ARHGAP29: variants seen among roughly 807,000 people sequenced by gnomAD.
ARHGAP29 encodes Rho GTPase activating protein 29.
A neutral mutation model predicts 122.6 loss-of-function variants in ARHGAP29; 43 were observed. The ratio of observed to expected loss-of-function variants is 0.35; its 90% CI spans 0.27 to 0.45. The LOEUF is 0.45. Among genes scored for constraint, ARHGAP29 ranks in the 20% least tolerant of loss-of-function variants. The pLI is 1.00. For missense variants in ARHGAP29, 1,303 were observed against 1,477.2 expected, an observed-to-expected ratio of 0.88 and a Z score of 1.93; for synonymous variants, 506 against 497.1, an observed-to-expected ratio of 1.02 and a Z score of -0.24.
chr1:94,182,024 T>C (rs1271873999), intron 19 of ARHGAP29, among the ~76,000 whole-genome samples: 1 of 152,118 alleles, frequency 6.6e-6, no homozygotes, highest in Non-Finnish European at 1.5e-5. Flanking sequence ...ATGTGGCTAC[T>C]AGAAAATTTA....
In ARHGAP29 at chr1:94,185,344, C is replaced by T. The variant is rs774263077; in HGVS notation, c.1918G>A (p.Glu640Lys). The T allele has an allele frequency of 5.0e-6, 8 of 1,593,464 alleles. No homozygotes were observed. The East Asian group carries it at 1.8e-4, about 36-fold the overall frequency. The change falls in exon 17 of 23, where the codon GAG becomes AAG. Residue 640 changes from glutamate to lysine, a missense_variant and splice_region_variant. Physicochemically the swap from Glu to Lys is moderately conservative, Grantham distance 56. Transcript: ENST00000260526. ...IVVFQGVECEECLLVCHRKCL... is the reference protein window; with the variant it reads ...IVVFQGVECEKCLLVCHRKCL... ...ACACAATTCCACAAAGATCTTACCT[C>T]TTCACATTCAACACCTTGGAACACT... is the stretch of plus-strand genomic sequence containing the variant.
Position 94,171,496 on chromosome 1 carries a change from C to A in ARHGAP29, c.*2373G>T, listed in dbSNP as rs1199369545. Among the ~76,000 whole-genome samples, 1 of 152,216 alleles carries A rather than the reference C, an allele frequency of 6.6e-6. No individual in the cohort carries two copies. The highest frequency in any genetic ancestry group is 1.5e-5 in the Non-Finnish European group (1 of 68,038). On this transcript the variant is annotated 3_prime_UTR_variant, in exon 23 of 23. Transcript: ENST00000260526. ...TCTGGCAGCACTAACAGGGCTCCTG[C>A]TGTTGCCCTTTCCTTTTGGTCACGT...
At chr1:94,254,321 A>G (rs1428766826) in intron 1 of ARHGAP29, among the ~76,000 whole-genome samples, 1 of 152,218 alleles carries the variant, frequency 6.6e-6, no homozygotes, top group Non-Finnish European at 1.5e-5. Flanking sequence ...ATGAGGTCAC[A>G]GACATAACCA....
chr1:94,280,138 T>C, the ARHGAP29 span, among the ~76,000 whole-genome samples: 1 of 152,102 alleles, frequency 6.6e-6, no homozygotes, highest in African/African-American at 2.4e-5. Flanking sequence ...ATTTCTTTAC[T>C]TCTTAATGGT....
chr1:94,218,146 T>C (rs970534375), intron 3 of ARHGAP29, among the ~76,000 whole-genome samples: 2 of 152,218 alleles, frequency 1.3e-5, no homozygotes, highest in East Asian at 3.8e-4. Context: ...GTATCAATTA[T>C]ATTTTTAAAT....
At position 94,256,536 on chromosome 1, in the gene ARHGAP29, C is replaced by CTTTTTTTTTTTT. The variant is rs530295333; in HGVS notation, c.-33+18464_-33+18475dup. Among the ~76,000 whole-genome samples, 27 of 45,330 alleles carry CTTTTTTTTTTTT rather than the reference C, an allele frequency of 6.0e-4. 8 individuals are homozygous for CTTTTTTTTTTTT. Among genetic ancestry groups the CTTTTTTTTTTTT allele is most frequent in the African/African-American group, 7.5e-4 (8 of 10,632 alleles). The allele number at this position is 45,330 out of a possible 152,430, so 29.7% of individuals were successfully genotyped here. On this transcript the variant is annotated intron_variant and NMD_transcript_variant, in intron 1 of 25. Coordinates refer to the ARHGAP29 transcript ENST00000552844. Reference sequence around the variant, plus strand: ...CAGAAATAGATTTAACAGTACTAATCTTTTTTTTTTTTTTTTTTTTTTTTT... The same window carrying CTTTTTTTTTTTT: ...CAGAAATAGATTTAACAGTACTAATCTTTTTTTTTTTTTTTTTTTTTTTTTTTTTTTTTTTTT...
At chr1:94,185,581 A>G (rs1649748500) in intron 16 of ARHGAP29, 100 bp from the exon 17 acceptor site, 1 of 1,058,886 alleles carries the variant, frequency 9.4e-7, no homozygotes, top group South Asian at 2.9e-5. Flanking sequence ...AATCATTCAT[A>G]TATTATAAAA....
chr1:94,309,421 C>T, the ARHGAP29 span, among the ~76,000 whole-genome samples: 1 of 152,226 alleles, frequency 6.6e-6, no homozygotes, highest in African/African-American at 2.4e-5. Flanking sequence ...ATGTCAGTGC[C>T]TTGCACTCTG....
chr1:94,174,430 T>C lies in ARHGAP29; in HGVS notation c.3225A>G (p.Gln1075=), dbSNP rs1035860589. ...GTTTGTCCTGAATTTTCTGTAGAGT[T>C]TGCTGGTCAAAGCCATTAAATTTGG... ...VCSKFNGFDQ[Q]TLQKIQDKQY... is the part of the protein sequence containing the mutation. Residue 1075 remains glutamine, a synonymous_variant, in exon 23 of 23, where the codon CAA becomes CAG. Transcript: ENST00000260526. 3.7e-6 allele frequency: 6 copies of C among 1,614,100 alleles called. No homozygotes were observed. The highest frequency in any genetic ancestry group is 2.7e-5 in the African/African-American group (2 of 74,934).
intron 1 of ARHGAP29, among the ~76,000 whole-genome samples, chr1:94,264,354 T>C (rs1654676876): frequency 1.3e-5 from 2 of 152,180 alleles, no homozygotes; most frequent in South Asian, 2.1e-4. Flanking sequence ...ATCCAAATCC[T>C]GCACCTTCTG....
intron 18 of ARHGAP29, 39 bp from the exon 19 acceptor site, chr1:94,184,327 T>C: frequency 6.7e-7 from 1 of 1,486,722 alleles, no homozygotes; most frequent in Non-Finnish European, 9.2e-7. Flanking sequence ...AAATTCTTCT[T>C]TAGTACAAAT....
upstream of ARHGAP29, among the ~76,000 whole-genome samples, chr1:94,278,037 C>T (rs906639679): frequency 2.6e-5 from 4 of 152,150 alleles, no homozygotes; most frequent in Non-Finnish European, 2.9e-5. Flanking sequence ...TCAAGTAGGC[C>T]GGATGCAGCG....
chr1:94,266,250 A>C lies in ARHGAP29; in HGVS notation c.-33+8762T>G, dbSNP rs538384501. ...GCCAGGCTCAAAAGCCAGGCATTGA[A>C]TGAACACTGGTCACTGTCATTCTGC... On this transcript the variant is annotated intron_variant and NMD_transcript_variant, in intron 1 of 25. Coordinates refer to the ARHGAP29 transcript ENST00000552844. Among the ~76,000 whole-genome samples the C allele has an allele frequency of 2.6e-5, 4 of 152,314 alleles. No homozygotes were observed. In the East Asian group the frequency reaches 5.8e-4, roughly 22 times the overall value.
At chr1:94,190,180 T>C (rs1557847844) in intron 12 of ARHGAP29, 97 bp from the exon 13 acceptor site, 1 of 1,287,850 alleles carries the variant, frequency 7.8e-7, no homozygotes, top group Non-Finnish European at 1.1e-6. Flanking sequence ...AAAAATGCCA[T>C]ACAGTGAAGC....
chr1:94,174,388 G>A lies in ARHGAP29; in HGVS notation c.3267C>T (p.Ser1089=). 6.2e-7 allele frequency: 1 copy of A among 1,614,126 alleles called. No homozygotes were observed. The highest frequency in any genetic ancestry group is 8.5e-7 in the Non-Finnish European group (1 of 1,180,030). The change falls in exon 23 of 23, where the codon AGC becomes AGT. Residue 1089 remains serine, a synonymous_variant. Transcript: ENST00000260526. ...KIQDKQYEQN[S]LTAKTTMIMP... ...TGATCATTGTAGTCTTGGCAGTTAG[G>A]CTGTTTTGTTCATACTGTTTGTCCT...
At chr1:94,309,744 C>T in the ARHGAP29 span, among the ~76,000 whole-genome samples, 1 of 152,102 alleles carries the variant, frequency 6.6e-6, no homozygotes, top group South Asian at 2.1e-4. Flanking sequence ...GCCTGTCTTT[C>T]GAAGACATGA....
chr1:94,290,919 T>C, the ARHGAP29 span, among the ~76,000 whole-genome samples: 151,863 of 152,304 alleles, frequency 1, 75,716 homozygotes, highest in Middle Eastern at 1. Context: ...GTGGAGAGTT[T>C]GGTAGATGTC....
intron 1 of ARHGAP29, among the ~76,000 whole-genome samples, chr1:94,265,016 A>G (rs143623295): frequency 1.9e-4 from 29 of 152,238 alleles, no homozygotes; most frequent in African/African-American, 6.7e-4. Context: ...AGAAACTGAT[A>G]CTTCAAGACT....
chr1:94,205,546 G>A (rs1651135952), intron 6 of ARHGAP29, 89 bp downstream of exon 6: 3 of 1,231,278 alleles, frequency 2.4e-6, no homozygotes, highest in South Asian at 1.3e-5. Context: ...AATACACTAG[G>A]TTACTAAGCA....
Sources: gnomAD v4.1 joint callset for allele counts (sites outside exome capture counted in the v4.1 genomes callset) on GRCh38, gnomAD v4.1.1 for gene constraint, MANE v1.5 for transcripts, NCBI Gene and HGNC (gene_info 2026-07-23, HGNC 2026-07-21) for gene names.